Variants in PAK3 observed in about 807,000 individuals in gnomAD.
PAK3 encodes serine/threonine-protein kinase PAK 3.
Under a neutral mutation model 41.0 loss-of-function variants are expected in PAK3, and 4 were observed. The observed-to-expected ratio is 0.10, with a 90% CI of 0.05 to 0.22. The LOEUF (loss-of-function observed/expected upper bound fraction) is 0.22, where lower values mean the gene tolerates loss of function less well. Among genes scored for constraint, PAK3 ranks in the 10% least tolerant of loss-of-function variants. The pLI, the probability that PAK3 is intolerant of heterozygous loss-of-function variation, is 1.00. For missense variants in PAK3, 205 were observed against 409.9 expected (o/e 0.50, Z 4.32); for synonymous variants, 146 against 139.6 (o/e 1.05, Z -0.32).
At chrX:111,118,259 G>T (rs1035388203) in intron 4 of PAK3, among the ~76,000 whole-genome samples, 2 of 111,074 alleles carry the variant, frequency 1.8e-5, no homozygotes, top group Non-Finnish European at 3.8e-5. Flanking sequence ...TGTAAATAAC[G>T]CATCTAAGAT....
chrX:111,161,222 A>G (rs1185144245), intron 8 of PAK3, among the ~76,000 whole-genome samples: 3 of 112,040 alleles, frequency 2.7e-5, no homozygotes, highest in South Asian at 3.7e-4. Context: ...GCCAGTGATG[A>G]TGAGCATTTT....
At chrX:110,955,423 T>C (rs1256452291) in intron 1 of PAK3, among the ~76,000 whole-genome samples, 1 of 111,967 alleles carries the variant, frequency 8.9e-6, no homozygotes, top group Non-Finnish European at 1.9e-5. Context: ...TTTCCTGCAA[T>C]ATCTGTCCTC....
chrX:110,954,967 A>G lies in PAK3; in HGVS notation c.-28+10339A>G, dbSNP rs192136050. Among the ~76,000 whole-genome samples the G allele has an allele frequency of 5.4e-5, 6 of 111,430 alleles. No individual in the cohort carries two copies. In the East Asian group the frequency reaches 1.7e-3, roughly 32 times the overall value. ...GGAGCCTGGGTGGGGGAAGACAACC[A>G]GGGAGAGGACCCAGAATAACATGAA... is the stretch of plus-strand genomic sequence containing the variant. On this transcript the variant is annotated intron_variant, in intron 1 of 14. Coordinates refer to the PAK3 transcript ENST00000425146.
intron 1 of PAK3, among the ~76,000 whole-genome samples, chrX:111,012,498 G>A (rs750142444): frequency 1.5e-4 from 17 of 111,712 alleles, no homozygotes; most frequent in Non-Finnish European, 3.0e-4. Flanking sequence ...TCAACCTTGA[G>A]AAACAAAAAG....
intron 16 of PAK3, among the ~76,000 whole-genome samples, chrX:111,211,936 C>G (rs973709352): frequency 9.0e-6 from 1 of 111,138 alleles, no homozygotes; most frequent in Non-Finnish European, 1.9e-5. Context: ...AATGGAAAAA[C>G]GGTTAGGAGG....
upstream of PAK3, among the ~76,000 whole-genome samples, chrX:111,091,507 A>G (rs952432859): frequency 8.9e-6 from 1 of 112,309 alleles, no homozygotes; most frequent in African/African-American, 3.2e-5. Context: ...AGGCTGGAAT[A>G]GAACCTGGGT....
At chrX:111,150,420 T>G (rs1224188982) in intron 7 of PAK3, among the ~76,000 whole-genome samples, 1 of 111,886 alleles carries the variant, frequency 8.9e-6, no homozygotes, top group Non-Finnish European at 1.9e-5. Context: ...ATTAGTCCGT[T>G]TTCATGCTAC....
intron 6 of PAK3, chrX:111,145,035 A>T (rs1022310697): frequency 1.3e-5 from 6 of 463,358 alleles, no homozygotes; most frequent in Non-Finnish European, 2.3e-5. Flanking sequence ...ATTTACTTCT[A>T]GTTGGTATCC....
intron 8 of PAK3, among the ~76,000 whole-genome samples, chrX:111,161,498 T>C (rs1231544487): frequency 1.2e-4 from 13 of 110,914 alleles, no homozygotes; most frequent in Admixed American, 6.7e-4. Context: ...ATTTTGGCTT[T>C]TGTTGTCATT....
chrX:111,054,161 G>T (rs1039181435), intron 1 of PAK3, among the ~76,000 whole-genome samples: 3 of 112,104 alleles, frequency 2.7e-5, no homozygotes, highest in African/African-American at 9.7e-5. Context: ...AAGACAATCA[G>T]CCCAGAGACT....
chrX:111,014,591 C>G (rs2092060620), intron 1 of PAK3, among the ~76,000 whole-genome samples: 1 of 111,287 alleles, frequency 9.0e-6, no homozygotes, highest in Non-Finnish European at 1.9e-5. Flanking sequence ...AACTGCCTCT[C>G]CCATGAGACT....
chrX:111,100,758 C>T (rs1481995222), intron 3 of PAK3, among the ~76,000 whole-genome samples: 1 of 111,564 alleles, frequency 9.0e-6, no homozygotes, highest in African/African-American at 3.3e-5. Flanking sequence ...CAGCCCTAGT[C>T]CCCAGACAGA....
intron 1 of PAK3, among the ~76,000 whole-genome samples, chrX:111,070,422 T>C (rs922339899): frequency 8.9e-6 from 1 of 112,017 alleles, no homozygotes; most frequent in African/African-American, 3.2e-5. Flanking sequence ...AAAAGAGACA[T>C]GATACCTTTC....
chrX:110,976,551 C>A (rs914435069), intron 1 of PAK3, among the ~76,000 whole-genome samples: 1 of 111,825 alleles, frequency 8.9e-6, no homozygotes, highest in Non-Finnish European at 1.9e-5. Context: ...GACAGTGTGG[C>A]GATTCCTCAA....
chrX:111,016,331 G>A (rs983040499), intron 1 of PAK3, among the ~76,000 whole-genome samples: 3 of 111,667 alleles, frequency 2.7e-5, no homozygotes, highest in Non-Finnish European at 5.7e-5. Flanking sequence ...CAGCAGGTGG[G>A]GACATTGTGC....
chrX:111,209,092 C>A (rs1466350389), intron 16 of PAK3, among the ~76,000 whole-genome samples: 1 of 111,187 alleles, frequency 9.0e-6, no homozygotes, highest in Non-Finnish European at 1.9e-5. Flanking sequence ...TCTGTACAGG[C>A]AGAGGTGGAT....
chrX:111,047,587 G>A (rs1455248803), intron 1 of PAK3, among the ~76,000 whole-genome samples: 1 of 111,265 alleles, frequency 9.0e-6, no homozygotes, highest in Non-Finnish European at 1.9e-5. Context: ...CTCAGGATAT[G>A]AAGGGACCAG....
chrX:111,009,027 T>A (rs73537161), intron 1 of PAK3, among the ~76,000 whole-genome samples: 1,736 of 111,319 alleles, frequency 0.016, 33 homozygotes, highest in African/African-American at 0.054. Context: ...AGGGTTTTTT[T>A]TTAATATTGA....
At chrX:110,995,682 A>G (rs2091727703) in intron 1 of PAK3, among the ~76,000 whole-genome samples, 1 of 111,138 alleles carries the variant, frequency 9.0e-6, no homozygotes, top group Admixed American at 9.6e-5. Context: ...TGCATGTAGT[A>G]TAAATTCATA....
Sources: gnomAD v4.1 joint callset for allele counts (sites outside exome capture counted in the v4.1 genomes callset) on GRCh38, gnomAD v4.1.1 for gene constraint, MANE v1.5 for transcripts, NCBI Gene and HGNC (gene_info 2026-07-23, HGNC 2026-07-21) for gene names.